Variants in SBF1 observed in about 807,000 individuals in gnomAD.
SBF1 encodes myotubularin-related protein 5.
SBF1 carries 65 observed loss-of-function variants against 215.8 expected under a neutral mutation model. The observed-to-expected ratio is 0.30, with a 90% CI of 0.25 to 0.37. SBF1 has a LOEUF of 0.37. Ranked by LOEUF, SBF1 falls within the 10% of genes least tolerant of loss-of-function variation. The probability of loss-of-function intolerance (pLI) is 1.00; values close to 1 mark genes in which losing one functional copy is unlikely to be tolerated. For synonymous variants in SBF1, 1,410 were observed against 1,122.8 expected (o/e 1.26, Z -5.11); for missense variants, 2,634 against 2,667.8 (o/e 0.99, Z 0.28).
At position 50,446,828 on chromosome 22, in the gene SBF1, T is replaced by G. The variant is rs372070515; in HGVS notation, c.*314A>C. On this transcript the variant is annotated 3_prime_UTR_variant, in exon 41 of 41. Transcript: ENST00000380817. ...GCGTGGCGTTAGTTCTCTCTTTATA[T>G]AGACTCTGGTTCTAGAAACTCGCCT... is the stretch of plus-strand genomic sequence containing the variant. The G allele has an allele frequency of 4.3e-6, 3 of 701,140 alleles. No homozygotes were observed. The African/African-American group carries it at 5.2e-5, about 12-fold the overall frequency. 43.4% of individuals were successfully genotyped at this position (701,140 alleles called of 1,614,324 possible). A position where few individuals can be genotyped will look rare whatever the true frequency, so the allele number is the denominator to read the frequency against.
chr22:50,461,556 C>A lies in SBF1; in HGVS notation c.2806G>T (p.Val936Phe). The A allele has an allele frequency of 1.2e-6, 2 of 1,608,130 alleles. No individual in the cohort carries two copies. The highest frequency in any genetic ancestry group is 1.7e-6 in the Non-Finnish European group (2 of 1,176,446). ...EGAVFLTTYR[V>F]IFTGMPTDPL... The stretch of plus-strand genomic sequence containing the variant: ...TCCGTGGGCATCCCCGTGAAGATGA[C>A]CCGGTACGTGGTGAGGAAGACGGCG... Residue 936 changes from valine to phenylalanine, a missense_variant, in exon 22 of 41, where the codon GTC (valine) becomes TTC (phenylalanine). Coordinates refer to ENST00000380817, the MANE Select transcript of SBF1 (RefSeq NM_002972.4).
intron 22 of SBF1, 41 bp from the exon 23 acceptor site, chr22:50,461,327 G>C: frequency 1.2e-4 from 5 of 41,006 alleles, no homozygotes; most frequent in Non-Finnish European, 1.3e-4. Flanking sequence ...AGGAAGGTAA[G>C]GGGGGGGGGG....
At position 50,459,601 on chromosome 22, in the gene SBF1, C is replaced by T; in HGVS notation, c.3557G>A (p.Cys1186Tyr). ...CACGGGGAAGCGGTTCTGGCGGTAG[C>T]AGCGGGACACGCGCTGCAGGGCGTT... ...QDNALQRVSRCYRQNRFPVVC... is the reference protein window; with the variant it reads ...QDNALQRVSRYYRQNRFPVVC... Residue 1186 changes from cysteine to tyrosine, a missense_variant, in exon 27 of 41, where the codon TGC (cysteine) becomes TAC (tyrosine). Transcript: ENST00000380817. 6.2e-7 allele frequency: 1 copy of T among 1,610,068 alleles called. No homozygotes were observed. Among genetic ancestry groups the T allele is most frequent in the African/African-American group, 1.3e-5 (1 of 74,962 alleles).
rs546435060 is a variant in SBF1, at chr22:50,466,079, G to A, written c.898-5C>T. On this transcript the variant is annotated splice_polypyrimidine_tract_variant and splice_region_variant and intron_variant, in intron 8 of 40. Transcript: ENST00000380817. ...ATCAGCAACAATCACATCGAGCTGC[G>A]GACCAAGGGAGCCGGCAGTCAGGGA... is the stretch of plus-strand genomic sequence containing the variant. 72 of 1,613,522 alleles carry A rather than the reference G, an allele frequency of 4.5e-5. No individual in the cohort carries two copies. The highest frequency in any genetic ancestry group is 5.3e-5 in the African/African-American group (4 of 75,074).
Position 50,466,069 on chromosome 22 carries a change from A to G in SBF1, c.903T>C (p.Asp301=), listed in dbSNP as rs373440890. Residue 301 remains aspartate, a synonymous_variant, in exon 9 of 41, where the codon GAT becomes GAC. Transcript: ENST00000380817. ...CTCCATCCAGATCAGCAACAATCAC[A>G]TCGAGCTGCGGACCAAGGGAGCCGG... ...AFQAETQELL[D]VIVADLDGGT... The G allele has an allele frequency of 1.2e-6, 2 of 1,613,768 alleles. No homozygotes were observed. The highest frequency in any genetic ancestry group is 2.2e-5 in the South Asian group (2 of 91,088).
intron 31 of SBF1, 143 bp from the exon 32 acceptor site, chr22:50,455,725 C>G: frequency 1.4e-6 from 1 of 690,858 alleles, no homozygotes; most frequent in Non-Finnish European, 2.5e-6. Context: ...GCGGGCAGAG[C>G]ACTGGACAAA....
chr22:50,462,770 G>C, intron 17 of SBF1, 53 bp from the exon 18 acceptor site: 1 of 1,609,266 alleles, frequency 6.2e-7, no homozygotes, highest in Non-Finnish European at 8.5e-7. Context: ...AGGGCGGCTG[G>C]GAAGGAGACC....
rs1283005265 is a variant in SBF1, at chr22:50,464,898, G to A, written c.1352C>T (p.Ala451Val). 6.2e-7 allele frequency: 1 copy of A among 1,613,758 alleles called. No individual in the cohort carries two copies. ...GTGGTTCTCATCCGCCCGCATCCTT[G>A]CCACCTCGTGGGCCACCAGCTAGCG... ...LFDELVAHEV[A>V]RMRADENHPQ... Residue 451 changes from alanine to valine, a missense_variant, in exon 13 of 41, where the codon GCA (alanine) becomes GTA (valine). Ala to Val is a moderately conservative substitution (Grantham distance 64, BLOSUM62 0). Coordinates refer to ENST00000380817, the MANE Select transcript of SBF1 (RefSeq NM_002972.4).
chr22:50,454,690 G>A lies in SBF1; in HGVS notation c.4865C>T (p.Thr1622Ile). The change falls in exon 36 of 41, where the codon ACT becomes ATT. Residue 1622 changes from threonine (T) to isoleucine (I), a missense_variant. Transcript: ENST00000380817. ...VSNLKVWDFY[T>I]EETLAEGPPY... ...AGGGCCCTCGGCCAGCGTCTCCTCAGTGTAGAAGTCCCACACCTTCAGGTT... is the reference window on the plus strand; with the variant it reads ...AGGGCCCTCGGCCAGCGTCTCCTCAATGTAGAAGTCCCACACCTTCAGGTT... 2 of 1,571,444 alleles carry A rather than the reference G, an allele frequency of 1.3e-6. No homozygotes were observed. Among genetic ancestry groups the A allele is most frequent in the Non-Finnish European group, 8.6e-7 (1 of 1,160,224 alleles).
At chr22:50,456,763 G>A in intron 29 of SBF1, 90 bp from the exon 30 acceptor site, 1 of 1,174,556 alleles carries the variant, frequency 8.5e-7, no homozygotes, top group Non-Finnish European at 1.2e-6. Context: ...GGAGGGGGCT[G>A]AGCTCCCAGG....
At position 50,464,910 on chromosome 22, in the gene SBF1, G is replaced by A; in HGVS notation, c.1340C>T (p.Ala447Val). ...RPTDLFDELV[A>V]HEVARMRADE... is the part of the protein sequence containing the mutation. ...CGCCCGCATCCTTGCCACCTCGTGGGCCACCAGCTAGCGGGGTAAGCAGGA... is the reference window on the plus strand; with the variant it reads ...CGCCCGCATCCTTGCCACCTCGTGGACCACCAGCTAGCGGGGTAAGCAGGA... Residue 447 changes from alanine (A) to valine (V), a missense_variant, in exon 13 of 41, where the codon GCC (alanine) becomes GTC (valine). Coordinates refer to ENST00000380817, the MANE Select transcript of SBF1 (RefSeq NM_002972.4). 1 of 1,613,806 alleles carries A rather than the reference G, an allele frequency of 6.2e-7. No homozygotes were observed. The highest frequency in any genetic ancestry group is 8.5e-7 in the Non-Finnish European group (1 of 1,180,018).
At chr22:50,467,312 A>G in intron 5 of SBF1, 26 bp downstream of exon 5, 3 of 1,590,080 alleles carry the variant, frequency 1.9e-6, no homozygotes, top group Non-Finnish European at 2.6e-6. Flanking sequence ...GTGGCTGTGC[A>G]GATACCAGCT....
Position 50,457,054 on chromosome 22 carries a change from G to C in SBF1, c.3884C>G (p.Ser1295Cys). ...TLSNPMAASASRRTAPRGKWG... is the reference protein window; with the variant it reads ...TLSNPMAASACRRTAPRGKWG... ...GGTACCTCGGGGTGCGGTCCGTCTG[G>C]AGGCCGAGGCCGCCATGGGGTTGGA... Residue 1295 changes from serine (S) to cysteine (C), a missense_variant, in exon 29 of 41, where the codon TCC becomes TGC. By Grantham distance (112) the Ser-to-Cys change is moderately radical (BLOSUM62 -1). Coordinates refer to ENST00000380817, the MANE Select transcript of SBF1 (RefSeq NM_002972.4). The C allele has an allele frequency of 1.4e-6, 2 of 1,462,782 alleles. No homozygotes were observed. The highest frequency in any genetic ancestry group is 6.1e-5 in the Admixed American group (2 of 32,590). The allele number at this position is 1,462,782 out of a possible 1,614,324, so 90.6% of individuals were successfully genotyped here.
In SBF1 at chr22:50,459,605, G is replaced by C. The variant is rs962590087; in HGVS notation, c.3553C>G (p.Arg1185Gly). 55 of 1,609,898 alleles carry C rather than the reference G, an allele frequency of 3.4e-5. No individual in the cohort carries two copies. The highest frequency in any genetic ancestry group is 4.6e-5 in the Non-Finnish European group (54 of 1,178,930). ...GGGAAGCGGTTCTGGCGGTAGCAGC[G>C]GGACACGCGCTGCAGGGCGTTGTCC... ...VQDNALQRVS[R>G]CYRQNRFPVV... The change falls in exon 27 of 41, where the codon CGC becomes GGC. Residue 1185 changes from arginine (R) to glycine (G), a missense_variant. Transcript: ENST00000380817.
chr22:50,447,287 C>A (rs756854955), intron 40 of SBF1, 35 bp downstream of exon 40: 9 of 1,613,130 alleles, frequency 5.6e-6, no homozygotes, highest in Non-Finnish European at 7.6e-6. Flanking sequence ...CACCGCAGAG[C>A]CCCTCCCCTC....
chr22:50,470,946 G>C (rs915317427), intron 1 of SBF1, among the ~76,000 whole-genome samples: 4 of 152,294 alleles, frequency 2.6e-5, no homozygotes, highest in African/African-American at 9.6e-5. Flanking sequence ...TGCTGTCCGG[G>C]GCCAGGCCAC....
chr22:50,467,705 G>A lies in SBF1; in HGVS notation c.280-15C>T, dbSNP rs777677443. On this transcript the variant is annotated splice_polypyrimidine_tract_variant and intron_variant, in intron 3 of 40. Coordinates refer to ENST00000380817, the MANE Select transcript of SBF1 (RefSeq NM_002972.4). ...CGCGTCGTTTCCTGCTGGGGGTCAGGGGGAGACGGGGGCAGGGGGAGTTGG... is the reference window on the plus strand; with the variant it reads ...CGCGTCGTTTCCTGCTGGGGGTCAGAGGGAGACGGGGGCAGGGGGAGTTGG... The A allele has an allele frequency of 1.9e-6, 3 of 1,606,212 alleles. No individual in the cohort carries two copies. Among genetic ancestry groups the A allele is most frequent in the African/African-American group, 2.7e-5 (2 of 74,724 alleles).
rs1472342491 is a variant in SBF1, at chr22:50,463,328, G to A, written c.1854C>T (p.His618=). 1 of 1,613,102 alleles carries A rather than the reference G, an allele frequency of 6.2e-7. No homozygotes were observed. ...HVQQNRAVLD[H]QQFDFVVRMM... Reference sequence around the variant, plus strand: ...TACGGACGACAAAGTCAAACTGCTGGTGGTCCAGGACCGCACGGTTCTGCT... The same window carrying A: ...TACGGACGACAAAGTCAAACTGCTGATGGTCCAGGACCGCACGGTTCTGCT... Residue 618 remains histidine (H), a synonymous_variant, in exon 16 of 41, where the codon CAC becomes CAT. Coordinates refer to ENST00000380817, the MANE Select transcript of SBF1 (RefSeq NM_002972.4).
intron 19 of SBF1, 23 bp from the exon 20 acceptor site, chr22:50,462,142 G>C (rs1024865969): frequency 3.1e-6 from 5 of 1,610,746 alleles, no homozygotes; most frequent in Non-Finnish European, 3.4e-6. Flanking sequence ...AGAAACTGTG[G>C]GCATGGGCCC....
Sources: gnomAD v4.1 joint callset for allele counts (sites outside exome capture counted in the v4.1 genomes callset) on GRCh38, gnomAD v4.1.1 for gene constraint, MANE v1.5 for transcripts, NCBI Gene and HGNC (gene_info 2026-07-23, HGNC 2026-07-21) for gene names.